HERC1: variants seen among roughly 807,000 people sequenced by gnomAD.
The protein encoded by HERC1 is probable E3 ubiquitin-protein ligase HERC1.
A neutral mutation model predicts 554.3 loss-of-function variants in HERC1; 160 were observed. The observed-to-expected ratio is 0.29, with a 90% CI of 0.25 to 0.33. The LOEUF (loss-of-function observed/expected upper bound fraction) is 0.33. Among genes scored for constraint, HERC1 ranks in the 10% least tolerant of loss-of-function variants. The probability of loss-of-function intolerance (pLI) is 1.00; values close to 1 mark genes in which losing one functional copy is unlikely to be tolerated. For missense variants in HERC1, 4,919 were observed against 5,918.5 expected, an observed-to-expected ratio of 0.83 and a Z score of 5.54; for synonymous variants, 2,175 against 2,131.7, an observed-to-expected ratio of 1.02 and a Z score of -0.56.
chr15:63,654,166 C>G lies in HERC1; in HGVS notation c.10243G>C (p.Asp3415His). The G allele has an allele frequency of 6.2e-7, 1 of 1,614,042 alleles. No individual in the cohort carries two copies. Among genetic ancestry groups the G allele is most frequent in the Non-Finnish European group, 8.5e-7 (1 of 1,179,884 alleles). Residue 3415 changes from aspartate to histidine, a missense_variant, in exon 51 of 78, where the codon GAT becomes CAT. Asp to His is a moderately conservative substitution (Grantham distance 81). Around this residue, in one of 11 missense-constraint regions of HERC1, gnomAD observed 1,963 missense variants for 2,228.6 expected, o/e 0.88. Coordinates refer to ENST00000443617, the MANE Select transcript of HERC1 (RefSeq NM_003922.4). ...TTGATAAAGGAGCATTTTCTAAGAT[C>G]TCCTCCCATATCAGCAAGTGTCTGC... Reference protein sequence around the residue: ...TLQTLADMGGDLRKCSFIKLE... With the variant: ...TLQTLADMGGHLRKCSFIKLE...
intron 14 of HERC1, among the ~76,000 whole-genome samples, chr15:63,731,652 A>G (rs887618411): frequency 6.6e-6 from 1 of 152,220 alleles, no homozygotes; most frequent in Non-Finnish European, 1.5e-5. Flanking sequence ...CAGCCTTTCA[A>G]TGTGGGCGGG....
intron 71 of HERC1, among the ~76,000 whole-genome samples, chr15:63,624,775 T>C (rs2068228952): frequency 6.6e-6 from 1 of 152,256 alleles, no homozygotes; most frequent in Non-Finnish European, 1.5e-5. Context: ...GATTAGGAAC[T>C]ATTAGTAACC....
intron 1 of HERC1, among the ~76,000 whole-genome samples, chr15:63,819,202 A>T (rs192944544): frequency 6.6e-6 from 1 of 152,268 alleles, no homozygotes; most frequent in Non-Finnish European, 1.5e-5. Flanking sequence ...CAGAACCAGA[A>T]CCAGTTCATT....
chr15:63,775,308 GT>G lies in HERC1; in HGVS notation c.315del (p.Lys105AsnfsTer23). 6.2e-7 allele frequency: 1 copy of G among 1,613,980 alleles called. No homozygotes were observed. Among genetic ancestry groups the G allele is most frequent in the Non-Finnish European group, 8.5e-7 (1 of 1,179,876 alleles). On this transcript the variant is annotated frameshift_variant, in exon 2 of 78. Coordinates refer to ENST00000443617, the MANE Select transcript of HERC1 (RefSeq NM_003922.4). LOFTEE classifies it high-confidence loss of function. This position sits in a 1 kb window ranked among gnomAD's most constrained non-coding sequence, Gnocchi z 4.0. ...SDSPFAGALR[K>X]RLLVLQRVFY... The stretch of plus-strand genomic sequence containing the variant: ...AAGACACGCTGGAGTACAAGCAGTC[GT>G]TTTCTAAGTGCCCCGGCAAATGGGG...
At chr15:63,746,835 T>C in intron 12 of HERC1, 83 bp downstream of exon 12, 4 of 1,149,788 alleles carry the variant, frequency 3.5e-6, no homozygotes, top group Non-Finnish European at 4.9e-6. Flanking sequence ...AATTGTCCAA[T>C]GTACAGTTGA....
chr15:63,713,346 G>A lies in HERC1; in HGVS notation c.4463+7C>T. 1.2e-6 allele frequency: 2 copies of A among 1,611,206 alleles called. No individual in the cohort carries two copies. Among genetic ancestry groups the A allele is most frequent in the African/African-American group, 1.3e-5 (1 of 75,022 alleles). Reference sequence around the variant, plus strand: ...AGGTCATGTTTTCAGTGTCTAGTCAGTCCCACCTGGTCATAAGTCCACCCC... The same window carrying A: ...AGGTCATGTTTTCAGTGTCTAGTCAATCCCACCTGGTCATAAGTCCACCCC... On this transcript the variant is annotated splice_region_variant and intron_variant, in intron 23 of 77. Coordinates refer to ENST00000443617, the MANE Select transcript of HERC1 (RefSeq NM_003922.4).
chr15:63,649,695 CG>C, intron 54 of HERC1, 29 bp downstream of exon 54: 1 of 1,575,436 alleles, frequency 6.3e-7, no homozygotes. Context: ...TTGGAGACTC[CG>C]TCAGCTAGAC....
In HERC1 at chr15:63,612,771, C is replaced by T. The variant is rs1444191361; in HGVS notation, c.14095-215G>A. Among the ~76,000 whole-genome samples, 3 of 152,216 alleles carry T rather than the reference C, an allele frequency of 2.0e-5. No individual in the cohort carries two copies. The highest frequency in any genetic ancestry group is 4.4e-5 in the Non-Finnish European group (3 of 68,038). On this transcript the variant is annotated intron_variant, in intron 76 of 77. Coordinates refer to ENST00000443617, the MANE Select transcript of HERC1 (RefSeq NM_003922.4). The surrounding 1 kb of genome is among the most constrained non-coding windows in gnomAD (Gnocchi z 5.0). ...GTGCCTCCCTGCTGTGGGATTCTTA[C>T]ACTCCTGGTTCCAGTTCAAGTCCAA...
At chr15:63,662,171 A>G in intron 44 of HERC1, 150 bp from the exon 45 acceptor site, 1 of 861,512 alleles carries the variant, frequency 1.2e-6, no homozygotes, top group East Asian at 2.7e-5. Flanking sequence ...TTTCTTTCAA[A>G]TCAGAATTCA....
intron 1 of HERC1, among the ~76,000 whole-genome samples, chr15:63,776,315 C>CG (rs1203424507): frequency 5.3e-5 from 8 of 152,258 alleles, no homozygotes; most frequent in Admixed American, 2.6e-4. Context: ...TACCACCACC[C>CG]CACCCAAACC....
rs2070255640 is a variant in HERC1 at position 63,659,775 on chromosome 15, T to G, written c.9385A>C (p.Thr3129Pro). The G allele has an allele frequency of 6.2e-7, 1 of 1,613,856 alleles. No individual in the cohort carries two copies. Among genetic ancestry groups the G allele is most frequent in the Non-Finnish European group, 8.5e-7 (1 of 1,179,850 alleles). Residue 3129 changes from threonine to proline, a missense_variant, in exon 47 of 78, where the codon ACA becomes CCA. Thr to Pro is a conservative substitution (Grantham distance 38). Transcript: ENST00000443617. Reference protein sequence around the residue: ...DPLGASVAMVTATNSMEETLM... With the variant: ...DPLGASVAMVPATNSMEETLM... ...GTCTCTTCCATACTGTTGGTGGCTGTGACCATTGCTACTGATGCTCCCAGT... is the reference window on the plus strand; with the variant it reads ...GTCTCTTCCATACTGTTGGTGGCTGGGACCATTGCTACTGATGCTCCCAGT...
chr15:63,634,023 C>A, intron 66 of HERC1, 53 bp from the exon 67 acceptor site: 1 of 1,598,556 alleles, frequency 6.3e-7, no homozygotes, highest in East Asian at 2.2e-5. Context: ...AAAACACACT[C>A]CCCCGTTTCT....
At chr15:63,801,309 C>A (rs1430396670) in intron 1 of HERC1, among the ~76,000 whole-genome samples, 2 of 152,154 alleles carry the variant, frequency 1.3e-5, no homozygotes, top group East Asian at 3.8e-4. Context: ...GTGTGGGACT[C>A]AATACATGCA....
intron 1 of HERC1, among the ~76,000 whole-genome samples, chr15:63,795,667 C>A (rs1374834180): frequency 1.3e-5 from 2 of 152,150 alleles, no homozygotes; most frequent in African/African-American, 4.8e-5. Context: ...TCAGCAAGGC[C>A]ATTTTTATAC....
rs1281153350 is a variant in HERC1 at position 63,637,658 on chromosome 15, C to A, written c.12094-15G>T. 1 of 1,539,414 alleles carries A rather than the reference C, an allele frequency of 6.5e-7. No homozygotes were observed. The highest frequency in any genetic ancestry group is 8.8e-7 in the Non-Finnish European group (1 of 1,139,972). On this transcript the variant is annotated splice_polypyrimidine_tract_variant and intron_variant, in intron 63 of 77. Coordinates refer to ENST00000443617, the MANE Select transcript of HERC1 (RefSeq NM_003922.4). ...CCACAAATGACCTAGTATAAAAACA[C>A]AGAATTAAATATTTTATTCTTTATT...
chr15:63,826,801 A>AG (rs1567168233), intron 1 of HERC1, among the ~76,000 whole-genome samples: 17 of 84,132 alleles, frequency 2.0e-4, no homozygotes, highest in African/African-American at 8.8e-4. Context: ...AAAAAAAAAA[A>AG]AAAAAAAAAA....
At chr15:63,832,459 T>C (rs988404735) in intron 1 of HERC1, among the ~76,000 whole-genome samples, 2 of 152,122 alleles carry the variant, frequency 1.3e-5, no homozygotes, top group African/African-American at 4.8e-5. Context: ...GGTCTAAAAA[T>C]ATCCAGTAGA....
At position 63,641,164 on chromosome 15, in the gene HERC1, A is replaced by G. The variant is rs552530832; in HGVS notation, c.11607+306T>C. Among the ~76,000 whole-genome samples, 11 of 152,358 alleles carry G rather than the reference A, an allele frequency of 7.2e-5. No homozygotes were observed. The East Asian group carries it at 2.1e-3, about 29-fold the overall frequency. ...ATAAAAATAGATATATGTGTGGGTC[A>G]GAAAAGGGAAGATATTCTGCTGCAT... On this transcript the variant is annotated intron_variant, in intron 60 of 77. Transcript: ENST00000443617.
In HERC1 at chr15:63,706,274, T is replaced by C. The variant is rs187351892; in HGVS notation, c.4636+506A>G. 3.7e-4 allele frequency among the ~76,000 whole-genome samples: 55 copies of C among 150,274 alleles called. No individual in the cohort carries two copies. In the East Asian group the frequency reaches 0.01, roughly 27 times the overall value. On this transcript the variant is annotated intron_variant, in intron 25 of 77. Transcript: ENST00000443617. ...ATGTAAGAGATATAATATCTCTTCA[T>C]GTAAGAGATAAAGCATCTCTTACAT...
Sources: allele counts gnomAD v4.1 joint callset (sites outside exome capture counted in the v4.1 genomes callset), GRCh38; gene constraint gnomAD v4.1.1; regional missense constraint gnomAD v4.1.1; non-coding constraint Gnocchi (gnomAD v3.1); transcripts MANE v1.5; gene names NCBI Gene and HGNC (gene_info 2026-07-23, HGNC 2026-07-21).